PTPRQ: variants seen among roughly 807,000 people sequenced by gnomAD.
PTPRQ encodes protein tyrosine phosphatase receptor type Q.
Under a neutral mutation model 246.0 loss-of-function variants are expected in PTPRQ, and 199 were observed. That is an observed-to-expected ratio of 0.81 (90% CI 0.72 to 0.91). The LOEUF (loss-of-function observed/expected upper bound fraction) is 0.91. PTPRQ is among the 40% of genes least tolerant of loss of function. The pLI is 0.00. For missense variants in PTPRQ, 2,624 were observed against 2,528.4 expected (o/e 1.04, Z -0.81); for synonymous variants, 869 against 853.2 (o/e 1.02, Z -0.32).
intron 40 of PTPRQ, 21 bp from the exon 41 acceptor site, chr12:80,669,318 G>C (rs1256328606): frequency 1.3e-6 from 2 of 1,547,742 alleles, no homozygotes; most frequent in East Asian, 4.9e-5. Flanking sequence ...GCTTATGACT[G>C]ATGATTTTCT....
chr12:80,627,385 AAGGAGGAAGAGGAGGAGG>A (rs1210332438), intron 33 of PTPRQ, among the ~76,000 whole-genome samples: 1 of 149,414 alleles, frequency 6.7e-6, no homozygotes, highest in East Asian at 1.9e-4. Flanking sequence ...AATAATAAAG[AAGGAGGAAGAGGAGGAGG>A]AGGAGGAAGG....
rs1367154619 is a variant in PTPRQ, at chr12:80,557,391, G to A, written c.4285+7657G>A. Among the ~76,000 whole-genome samples, 5 of 151,284 alleles carry A rather than the reference G, an allele frequency of 3.3e-5. No individual in the cohort carries two copies. The East Asian group carries it at 9.7e-4, about 29-fold the overall frequency. On this transcript the variant is annotated intron_variant, in intron 25 of 44. Coordinates refer to ENST00000644991, the MANE Select transcript of PTPRQ (RefSeq NM_001145026.2). ...GTGGGTCTGTTCTCACATGCTGCAT[G>A]GGGACAGAGATTTTTCTTGGTTCAA...
intron 26 of PTPRQ, among the ~76,000 whole-genome samples, chr12:80,593,932 A>G (rs1897884749): frequency 2.0e-5 from 3 of 152,052 alleles, no homozygotes; most frequent in African/African-American, 7.2e-5. Flanking sequence ...GGAAGACAGC[A>G]AGAAAGGAAA....
intron 3 of PTPRQ, 28 bp downstream of exon 3, chr12:80,445,745 T>C (rs972284793): frequency 1.5e-6 from 2 of 1,364,354 alleles, no homozygotes; most frequent in African/African-American, 1.4e-5. Flanking sequence ...GACTACTTAG[T>C]GTTCAAACAT....
chr12:80,650,116 G>T (rs544442429), intron 37 of PTPRQ, among the ~76,000 whole-genome samples: 86 of 152,090 alleles, frequency 5.7e-4, no homozygotes, highest in Non-Finnish European at 1.1e-3. Flanking sequence ...ATAGATGAAT[G>T]TGAGATCAAA....
intron 39 of PTPRQ, among the ~76,000 whole-genome samples, chr12:80,660,621 ATT>A (rs1336232605): frequency 1.3e-5 from 2 of 152,032 alleles, no homozygotes; most frequent in Non-Finnish European, 2.9e-5. Context: ...TCTCCTGTCA[ATT>A]TCAGATGCCT....
At chr12:80,673,129 C>A in intron 42 of PTPRQ, 40 bp from the exon 43 acceptor site, 1 of 1,546,400 alleles carries the variant, frequency 6.5e-7, no homozygotes, top group South Asian at 1.2e-5. Context: ...ATGAACAACC[C>A]TTTGCTGAAT....
chr12:80,670,617 A>C, intron 42 of PTPRQ, 125 bp downstream of exon 42: 1 of 1,342,376 alleles, frequency 7.4e-7, no homozygotes, highest in Non-Finnish European at 9.7e-7. Flanking sequence ...GAGATTTCAC[A>C]TTTAGCATTT....
In PTPRQ at chr12:80,467,273, C is replaced by A. The variant is rs1322390981; in HGVS notation, c.911-1437C>A. 3.3e-5 allele frequency among the ~76,000 whole-genome samples: 5 copies of A among 152,112 alleles called. No homozygotes were observed. The South Asian group carries it at 1.0e-3, about 32-fold the overall frequency. The stretch of plus-strand genomic sequence containing the variant: ...ATGAAAAGATGCTCACCATCACTGG[C>A]CATCAGATAAATGCAAATCAAAACC... On this transcript the variant is annotated intron_variant, in intron 6 of 44. Coordinates refer to ENST00000644991, the MANE Select transcript of PTPRQ (RefSeq NM_001145026.2).
intron 17 of PTPRQ, among the ~76,000 whole-genome samples, chr12:80,525,286 G>T (rs1427121080): frequency 6.6e-6 from 1 of 152,134 alleles, no homozygotes; most frequent in East Asian, 1.9e-4. Flanking sequence ...TTTGTTTCAA[G>T]TACTGGACTC....
At chr12:80,584,998 T>C (rs1897565064) in intron 25 of PTPRQ, among the ~76,000 whole-genome samples, 1 of 151,638 alleles carries the variant, frequency 6.6e-6, no homozygotes, top group Admixed American at 6.6e-5. Context: ...TATATATATA[T>C]AGTAAATAAG....
chr12:80,657,868 C>T (rs937483813), intron 38 of PTPRQ, 117 bp from the exon 39 acceptor site: 35 of 663,642 alleles, frequency 5.3e-5, no homozygotes, highest in Non-Finnish European at 7.6e-5. Flanking sequence ...TAAAATTTAC[C>T]GCCATCTGTG....
chr12:80,549,944 GA>G (rs1179633324), intron 25 of PTPRQ, among the ~76,000 whole-genome samples: 6 of 151,638 alleles, frequency 4.0e-5, no homozygotes, highest in Admixed American at 1.3e-4. Flanking sequence ...TTGAAGGGAG[GA>G]AAAAAAGAGA....
At chr12:80,649,548 A>G (rs759632734) in intron 36 of PTPRQ, 40 bp from the exon 37 acceptor site, 60 of 1,543,932 alleles carry the variant, frequency 3.9e-5, no homozygotes, top group Non-Finnish European at 5.1e-5. Context: ...AACAAATACA[A>G]TCTAACATGA....
At chr12:80,465,375 C>A (rs1477347763) in intron 6 of PTPRQ, 1 of 152,218 alleles carries the variant, frequency 6.6e-6, no homozygotes, top group Admixed American at 6.5e-5. Context: ...AGCTTACCAA[C>A]CAAAAAGAGT....
chr12:80,680,065 T>C lies in PTPRQ; in HGVS notation c.*1042T>C, dbSNP rs1022134899. ...GTATAGCAAATTCAAGGTTTCTTTA[T>C]AGAAAATCTTTCAGCCTCCATCTTA... On this transcript the variant is annotated 3_prime_UTR_variant, in exon 45 of 45. Coordinates refer to ENST00000644991, the MANE Select transcript of PTPRQ (RefSeq NM_001145026.2). 6.6e-6 allele frequency: 1 copy of C among 151,888 alleles called. No individual in the cohort carries two copies. Among genetic ancestry groups the C allele is most frequent in the Non-Finnish European group, 1.5e-5 (1 of 67,886 alleles). 9.4% of individuals were successfully genotyped at this position (151,888 alleles called of 1,614,324 possible).
chr12:80,655,465 CTA>C (rs1373507209), intron 38 of PTPRQ, among the ~76,000 whole-genome samples: 6 of 152,050 alleles, frequency 3.9e-5, no homozygotes, highest in Non-Finnish European at 8.8e-5. Context: ...GGCATTTAGG[CTA>C]TGTCTGGAGA....
At chr12:80,574,785 A>T in intron 25 of PTPRQ, among the ~76,000 whole-genome samples, 1 of 152,160 alleles carries the variant, frequency 6.6e-6, no homozygotes, top group East Asian at 1.9e-4. Flanking sequence ...ATATATATTA[A>T]TATACGTGTG....
intron 25 of PTPRQ, among the ~76,000 whole-genome samples, chr12:80,565,343 T>A (rs962501832): frequency 6.6e-6 from 1 of 152,218 alleles, no homozygotes; most frequent in African/African-American, 2.4e-5. Flanking sequence ...TTATCCAAGC[T>A]CCAGCTAAGG....
Sources: allele counts gnomAD v4.1 joint callset (sites outside exome capture counted in the v4.1 genomes callset), GRCh38; gene constraint gnomAD v4.1.1; transcripts MANE v1.5; gene names NCBI Gene and HGNC (gene_info 2026-07-23, HGNC 2026-07-21).